NKD1: variants seen among roughly 807,000 people sequenced by gnomAD.
The protein encoded by NKD1 is NKD inhibitor of Wnt signaling pathway 1, also known as protein naked cuticle homolog 1.
In NKD1, 21 loss-of-function variants were observed where a neutral mutation model predicts 56.0. The ratio of observed to expected loss-of-function variants is 0.38; its 90% CI spans 0.27 to 0.54. The LOEUF (loss-of-function observed/expected upper bound fraction) is 0.54. Among genes scored for constraint, NKD1 ranks in the 20% least tolerant of loss-of-function variants. The pLI, the probability that NKD1 is intolerant of heterozygous loss-of-function variation, is 0.82. For missense variants in NKD1, 578 were observed against 642.7 expected (o/e 0.90, Z 1.09); for synonymous variants, 263 against 265.7 (o/e 0.99, Z 0.10).
At chr16:50,559,226 T>C (rs751537323) in intron 3 of NKD1, among the ~76,000 whole-genome samples, 7 of 152,196 alleles carry the variant, frequency 4.6e-5, no homozygotes, top group Non-Finnish European at 7.3e-5. Context: ...ACCCCTTCTT[T>C]TGCAGCTTGC....
At chr16:50,628,357 C>T (rs1962269524) in intron 6 of NKD1, among the ~76,000 whole-genome samples, 1 of 152,214 alleles carries the variant, frequency 6.6e-6, no homozygotes, top group African/African-American at 2.4e-5. Context: ...ACCACTCACC[C>T]ACATGCCTGC....
Position 50,636,590 on chromosome 16 carries a change from T to TTCAA in NKD1, c.*2810_*2811insCAAT, listed in dbSNP as rs1254739656. The stretch of plus-strand genomic sequence containing the variant: ...GCTAGGTTCGAATCCTGACTCCCTC[T>TTCAA]TTGTAGCTCTGTGCTTCAATTGAAA... On this transcript the variant is annotated 3_prime_UTR_variant, in exon 10 of 10. Transcript: ENST00000268459. The TTCAA allele has an allele frequency of 2.6e-5, 4 of 152,214 alleles. No individual in the cohort carries two copies. The highest frequency in any genetic ancestry group is 4.4e-5 in the Non-Finnish European group (3 of 68,054). The allele number at this position is 152,214 out of a possible 1,614,324, so 9.4% of individuals were successfully genotyped here. A position where few individuals can be genotyped will look rare whatever the true frequency, so the allele number is the denominator to read the frequency against.
chr16:50,613,625 A>C (rs912693848), intron 4 of NKD1: 4 of 152,238 alleles, frequency 2.6e-5, no homozygotes, highest in Admixed American at 2.6e-4. Context: ...TCCTCATAAA[A>C]GCTCAGCTGG....
rs138964473 is a variant in NKD1, at chr16:50,598,262, T to TGTGTGTGTGTGTGTGCGCGC, written c.193-10031_193-10030insTGTGTGTGTGTGTGCGCGCG. Among the ~76,000 whole-genome samples the TGTGTGTGTGTGTGTGCGCGC allele has an allele frequency of 1.6e-4, 24 of 148,560 alleles. No homozygotes were observed. The highest frequency in any genetic ancestry group is 6.1e-4 in the African/African-American group (24 of 39,046). On this transcript the variant is annotated intron_variant, in intron 3 of 9. Coordinates refer to ENST00000268459, the MANE Select transcript of NKD1 (RefSeq NM_033119.5). The surrounding 1 kb of genome is among the most constrained non-coding windows in gnomAD (Gnocchi z 4.2). Reference sequence around the variant, plus strand: ...GTGTGTGTGTGTGTGTGTGTGTGTGTGCGCGCACACCTGTGCTCATGGACA... The same window carrying TGTGTGTGTGTGTGTGCGCGC: ...GTGTGTGTGTGTGTGTGTGTGTGTGTGTGTGTGTGTGTGTGCGCGCGCGCGCACACCTGTGCTCATGGACA...
At chr16:50,555,986 T>A (rs1596702741) in intron 3 of NKD1, 1 of 128,086 alleles carries the variant, frequency 7.8e-6, no homozygotes. Context: ...AAGGAAAAAA[T>A]TCAGTCTCTC....
intron 3 of NKD1, among the ~76,000 whole-genome samples, chr16:50,580,861 TTC>T (rs1476518416): frequency 6.6e-6 from 1 of 152,250 alleles, no homozygotes; most frequent in Admixed American, 6.5e-5. Context: ...TTTCTCATTT[TTC>T]TCTCTGTTTT....
Position 50,633,094 on chromosome 16 carries a change from G to T in NKD1, c.824-98G>T. The T allele has an allele frequency of 8.7e-7, 1 of 1,154,908 alleles. No individual in the cohort carries two copies. Among genetic ancestry groups the T allele is most frequent in the Non-Finnish European group, 1.2e-6 (1 of 838,654 alleles). The allele number at this position is 1,154,908 out of a possible 1,614,324, so 71.5% of individuals were successfully genotyped here. On this transcript the variant is annotated intron_variant, in intron 9 of 9. Coordinates refer to ENST00000268459, the MANE Select transcript of NKD1 (RefSeq NM_033119.5). This position sits in a 1 kb window ranked among gnomAD's most constrained non-coding sequence, Gnocchi z 4.9. ...AGTCAGGGCATTGGGGGGTAGCTCTGGTTTTGGAGAACTGGGGGCGGGGGT... is the reference window on the plus strand; with the variant it reads ...AGTCAGGGCATTGGGGGGTAGCTCTTGTTTTGGAGAACTGGGGGCGGGGGT...
In NKD1 at chr16:50,639,810, CCA is replaced by C. The variant is rs1256775844; in HGVS notation, c.*6035_*6036del. On this transcript the variant is annotated 3_prime_UTR_variant, in exon 10 of 10. Transcript: ENST00000268459. ...TCCACAGTGGCCCCTGGTGCATGGA[CCA>C]CACACTCTCTTCCCTCCTCTGGCTC... The C allele has an allele frequency of 1.3e-5, 2 of 152,350 alleles. No homozygotes were observed. The highest frequency in any genetic ancestry group is 3.9e-4 in the East Asian group (2 of 5,194). 9.4% of individuals were successfully genotyped at this position (152,350 alleles called of 1,614,324 possible). A position where few individuals can be genotyped will look rare whatever the true frequency, so the allele number is the denominator to read the frequency against.
Position 50,643,670 on chromosome 16 carries a change from G to A in NKD1, c.*9889G>A, listed in dbSNP as rs1337943027. On this transcript the variant is annotated 3_prime_UTR_variant, in exon 10 of 10. Transcript: ENST00000268459. ...GCGCATACTGAACTACTGATCCTAG[G>A]GGAAATACAGGGTTAGGTTCCTGCC... 6.6e-6 allele frequency: 1 copy of A among 152,236 alleles called. No homozygotes were observed. Among genetic ancestry groups the A allele is most frequent in the Non-Finnish European group, 1.5e-5 (1 of 68,046 alleles). 9.4% of individuals were successfully genotyped at this position (152,236 alleles called of 1,614,324 possible).
intron 3 of NKD1, among the ~76,000 whole-genome samples, chr16:50,576,453 A>C (rs1960995642): frequency 6.6e-6 from 1 of 152,208 alleles, no homozygotes; most frequent in African/African-American, 2.4e-5. Flanking sequence ...GCTATGATCA[A>C]ATGGTGATTG....
At chr16:50,553,213 T>C (rs1243001609) in intron 3 of NKD1, among the ~76,000 whole-genome samples, 2 of 152,356 alleles carry the variant, frequency 1.3e-5, no homozygotes, top group East Asian at 3.9e-4. Context: ...AATAGTGCAG[T>C]GGACTCAGGT....
At position 50,638,362 on chromosome 16, in the gene NKD1, A is replaced by G. The variant is rs1373516829; in HGVS notation, c.*4581A>G. 1 of 152,492 alleles carries G rather than the reference A, an allele frequency of 6.6e-6. No individual in the cohort carries two copies. Among genetic ancestry groups the G allele is most frequent in the Non-Finnish European group, 1.5e-5 (1 of 68,234 alleles). The allele number at this position is 152,492 out of a possible 1,614,324, so 9.4% of individuals were successfully genotyped here. A position where few individuals can be genotyped will look rare whatever the true frequency, so the allele number is the denominator to read the frequency against. ...GTCGCTGCACACCCGAAAGACCCCA[A>G]GGCAGTCTGCCCCTTGTCCAGCCAC... On this transcript the variant is annotated 3_prime_UTR_variant, in exon 10 of 10. Coordinates refer to ENST00000268459, the MANE Select transcript of NKD1 (RefSeq NM_033119.5).
intron 3 of NKD1, among the ~76,000 whole-genome samples, chr16:50,601,438 G>A (rs1026414841): frequency 3.3e-5 from 5 of 152,246 alleles, no homozygotes; most frequent in Non-Finnish European, 7.3e-5. Context: ...ACTTTTTCGA[G>A]TGCCTGCGTG....
intron 5 of NKD1, among the ~76,000 whole-genome samples, chr16:50,622,040 G>A (rs565852037): frequency 7.2e-5 from 11 of 152,306 alleles, no homozygotes; most frequent in East Asian, 1.9e-4. Context: ...CAGTTTCCTC[G>A]GTGAAACCTT....
At position 50,633,730 on chromosome 16, in the gene NKD1, C is replaced by T. The variant is rs1373093703; in HGVS notation, c.1362C>T (p.His454=). ...GGCAGCCGGTCCAGAGACATGAGCA[C>T]CACCACCACCATGAACATCACCACC... The part of the protein sequence containing the change: ...QAGQPVQRHE[H]HHHHEHHHHY... The change falls in exon 10 of 10, where the codon CAC becomes CAT. Residue 454 remains histidine (H), a synonymous_variant. Coordinates refer to ENST00000268459, the MANE Select transcript of NKD1 (RefSeq NM_033119.5). This position sits in a 1 kb window ranked among gnomAD's most constrained non-coding sequence, Gnocchi z 4.9. 6.4e-7 allele frequency: 1 copy of T among 1,559,274 alleles called. No individual in the cohort carries two copies. The highest frequency in any genetic ancestry group is 1.4e-5 in the African/African-American group (1 of 73,760).
In NKD1 at chr16:50,598,597, A is replaced by G. The variant is rs1220081797; in HGVS notation, c.193-9697A>G. 6.6e-6 allele frequency among the ~76,000 whole-genome samples: 1 copy of G among 152,184 alleles called. No individual in the cohort carries two copies. The highest frequency in any genetic ancestry group is 1.5e-5 in the Non-Finnish European group (1 of 68,026). On this transcript the variant is annotated intron_variant, in intron 3 of 9. Coordinates refer to ENST00000268459, the MANE Select transcript of NKD1 (RefSeq NM_033119.5). The surrounding 1 kb of genome is among the most constrained non-coding windows in gnomAD (Gnocchi z 4.2). ...GTCACACGTGCTAGACCCTGGCAGC[A>G]GACCGGGGGCCTGTCCCAGGGCCAG...
At chr16:50,582,076 G>A (rs1259441417) in intron 3 of NKD1, among the ~76,000 whole-genome samples, 1 of 152,138 alleles carries the variant, frequency 6.6e-6, no homozygotes, top group Non-Finnish European at 1.5e-5. Context: ...GGCAGCTCAT[G>A]GACCAGATGC....
chr16:50,566,197 T>A (rs897415805), intron 3 of NKD1: 6 of 985,080 alleles, frequency 6.1e-6, no homozygotes, highest in Admixed American at 6.1e-5. Flanking sequence ...CCTTGTCAAC[T>A]GTTTCATACA....
chr16:50,586,313 T>A (rs1596721895), intron 3 of NKD1, among the ~76,000 whole-genome samples: 1 of 149,880 alleles, frequency 6.7e-6, no homozygotes, highest in Non-Finnish European at 1.5e-5. Flanking sequence ...GATGGGGGAC[T>A]TCTTCAAAGA....
Sources: gnomAD v4.1 joint callset for allele counts (sites outside exome capture counted in the v4.1 genomes callset) on GRCh38, gnomAD v4.1.1 for gene constraint, Gnocchi (gnomAD v3.1) non-coding constraint, MANE v1.5 for transcripts, NCBI Gene and HGNC (gene_info 2026-07-23, HGNC 2026-07-21) for gene names.